The following CHD6 variants were observed in gnomAD, a reference collection of about 807,000 sequenced individuals.
CHD6 encodes the protein chromodomain helicase DNA binding protein 6.
A neutral mutation model predicts 276.9 loss-of-function variants in CHD6; 50 were observed. That is an observed-to-expected ratio of 0.18 (90% confidence interval 0.14 to 0.23). CHD6 has a LOEUF of 0.23. Ranked by LOEUF, CHD6 falls within the 10% of genes least tolerant of loss-of-function variation. The pLI is 1.00. For synonymous variants in CHD6, 1,173 were observed against 1,229.3 expected, an observed-to-expected ratio of 0.95 and a Z score of 0.96; for missense variants, 2,564 against 3,365.8, an observed-to-expected ratio of 0.76 and a Z score of 5.89.
Position 41,473,505 on chromosome 20 carries a change from C to T in CHD6, c.2481G>A (p.Glu827=), listed in dbSNP as rs375436116. The T allele has an allele frequency of 3.1e-6, 5 of 1,613,916 alleles. No individual in the cohort carries two copies. Among genetic ancestry groups the T allele is most frequent in the Non-Finnish European group, 4.2e-6 (5 of 1,179,956 alleles). ...TTCCCCGTACTCGCCCATCAATTCG[C>T]TCATAGGTGTATCTGAGGGGACCCA... ...DYLIQRRYTY[E]RIDGRVRGNL... The change falls in exon 17 of 37, where the codon GAG becomes GAA. Residue 827 remains glutamate (E), a synonymous_variant. Transcript: ENST00000373233. The surrounding 1 kb of genome is among the most constrained non-coding windows in gnomAD (Gnocchi z 4.1).
rs954519725 is a variant in CHD6, at chr20:41,473,963, C to T, written c.2469-446G>A. Among the ~76,000 whole-genome samples, 1 of 152,176 alleles carries T rather than the reference C, an allele frequency of 6.6e-6. No individual in the cohort carries two copies. The highest frequency in any genetic ancestry group is 2.4e-5 in the African/African-American group (1 of 41,424). ...ACTCAGAGTTTTCATCAGTTTCCAG[C>T]TACTTTAGGGTAAACCAGAAATGGT... On this transcript the variant is annotated intron_variant, in intron 16 of 36. Transcript: ENST00000373233. The surrounding 1 kb of genome is among the most constrained non-coding windows in gnomAD (Gnocchi z 4.1).
At chr20:41,578,381 GA>G (rs2045496865) in intron 1 of CHD6, among the ~76,000 whole-genome samples, 1 of 152,112 alleles carries the variant, frequency 6.6e-6, no homozygotes, top group South Asian at 2.1e-4. Flanking sequence ...GCGAATAAAT[GA>G]ATTTCCTCAC....
Position 41,514,807 on chromosome 20 carries a change from G to C in CHD6, c.700C>G (p.Gln234Glu). ...AGGCCTCCCGGTCACAGCTGTACCT[G>C]GCTGTCTGTAGACTCAGTGGACTCC... ...PEESTESTDS[Q>E]KRRSGRQVKR... The change falls in exon 4 of 37, where the codon CAG (glutamine) becomes GAG (glutamate). Residue 234 changes from glutamine to glutamate, a missense_variant and splice_region_variant. Transcript: ENST00000373233. 6.2e-7 allele frequency: 1 copy of C among 1,613,814 alleles called. No homozygotes were observed. The highest frequency in any genetic ancestry group is 8.5e-7 in the Non-Finnish European group (1 of 1,179,860).
At chr20:41,592,987 C>T (rs182267215) in intron 1 of CHD6, among the ~76,000 whole-genome samples, 3 of 152,022 alleles carry the variant, frequency 2.0e-5, no homozygotes, top group Non-Finnish European at 4.4e-5. Context: ...TATGTAAAAG[C>T]ACTTCCTTAA....
intron 8 of CHD6, among the ~76,000 whole-genome samples, chr20:41,495,058 C>A (rs1311696786): frequency 1.3e-5 from 2 of 151,186 alleles, no homozygotes; most frequent in South Asian, 2.1e-4. Flanking sequence ...AAAAAAAACC[C>A]AGTTTGTTCA....
chr20:41,517,447 A>G (rs1470047566), intron 3 of CHD6, among the ~76,000 whole-genome samples: 5 of 152,202 alleles, frequency 3.3e-5, no homozygotes, highest in Non-Finnish European at 5.9e-5. Context: ...AAAACAAAAC[A>G]AAACTATTTT....
intron 5 of CHD6, among the ~76,000 whole-genome samples, chr20:41,499,566 A>G (rs988399256): frequency 1.3e-5 from 2 of 152,322 alleles, no homozygotes; most frequent in East Asian, 3.9e-4. Flanking sequence ...CTCTGGACAC[A>G]ACTCTACAAG....
At position 41,425,968 on chromosome 20, in the gene CHD6, G is replaced by A. The variant is rs2047350408; in HGVS notation, c.4129+125C>T. On this transcript the variant is annotated intron_variant, in intron 28 of 36. Transcript: ENST00000373233. ...GTGACTCTAGGGGAGTTTGATGATG[G>A]TCAACTTACTTGGCTTTTTAAAAGA... 8 of 768,818 alleles carry A rather than the reference G, an allele frequency of 1.0e-5. No homozygotes were observed. In the South Asian group the frequency reaches 1.2e-4, roughly 11 times the overall value. 47.6% of individuals were successfully genotyped at this position (768,818 alleles called of 1,614,324 possible).
At chr20:41,555,272 C>T (rs2045211762) in intron 1 of CHD6, among the ~76,000 whole-genome samples, 1 of 144,262 alleles carries the variant, frequency 6.9e-6, no homozygotes, top group African/African-American at 2.6e-5. Context: ...GGGCGGCTGG[C>T]CGGGCAGAGG....
intron 1 of CHD6, among the ~76,000 whole-genome samples, chr20:41,571,519 G>C (rs1002279816): frequency 1.3e-5 from 2 of 151,336 alleles, no homozygotes; most frequent in Non-Finnish European, 2.9e-5. Context: ...AGCCTTCCGA[G>C]TAGCTGGGAC....
intron 17 of CHD6, among the ~76,000 whole-genome samples, chr20:41,467,561 GAAAAAAA>G (rs11472253): frequency 1.5e-4 from 6 of 39,156 alleles, no homozygotes; most frequent in African/African-American, 2.9e-4. Context: ...TTCTGACAAT[GAAAAAAA>G]AAAAAAAAAA....
chr20:41,583,500 T>C (rs574540228), intron 1 of CHD6, among the ~76,000 whole-genome samples: 2 of 152,216 alleles, frequency 1.3e-5, no homozygotes, highest in Non-Finnish European at 2.9e-5. Flanking sequence ...AATGTCGGCA[T>C]ACCTGCACTA....
At position 41,457,264 on chromosome 20, in the gene CHD6, C is replaced by G; in HGVS notation, c.2829G>C (p.Gly943=). The part of the protein sequence containing the change: ...QDINRKGGTN[G]VQQLSKMEVE... Reference sequence around the variant, plus strand: ...TCCAGAGCAGGCCCATCACACTCACCCCATTGGTGCCGCCCTTTCGGTTGA... The same window carrying G: ...TCCAGAGCAGGCCCATCACACTCACGCCATTGGTGCCGCCCTTTCGGTTGA... Residue 943 remains glycine (G), a splice_region_variant and synonymous_variant, in exon 18 of 37, where the codon GGG becomes GGC. Transcript: ENST00000373233. 6.2e-7 allele frequency: 1 copy of G among 1,613,158 alleles called. No homozygotes were observed. The highest frequency in any genetic ancestry group is 8.5e-7 in the Non-Finnish European group (1 of 1,179,200).
intron 2 of CHD6, among the ~76,000 whole-genome samples, chr20:41,536,762 T>C (rs2044840944): frequency 6.6e-6 from 1 of 152,168 alleles, no homozygotes; most frequent in Admixed American, 6.5e-5. Context: ...TCAGGAAACA[T>C]ATATTTCTAT....
intron 1 of CHD6, among the ~76,000 whole-genome samples, chr20:41,585,390 C>T (rs982553908): frequency 6.6e-6 from 1 of 151,800 alleles, no homozygotes; most frequent in African/African-American, 2.4e-5. Context: ...ATCCCAGCTA[C>T]TCGGGAGGCT....
chr20:41,468,626 A>G (rs2042983651), intron 17 of CHD6, among the ~76,000 whole-genome samples: 1 of 152,218 alleles, frequency 6.6e-6, no homozygotes, highest in Non-Finnish European at 1.5e-5. Context: ...ATAGTATAGT[A>G]TTTGTGTATA....
At chr20:41,540,414 T>C (rs1453970943) in intron 2 of CHD6, among the ~76,000 whole-genome samples, 4 of 152,210 alleles carry the variant, frequency 2.6e-5, no homozygotes, top group African/African-American at 9.6e-5. Context: ...ATTACTTTCA[T>C]GGTATTTTTA....
intron 27 of CHD6, among the ~76,000 whole-genome samples, chr20:41,430,423 TA>T (rs2047501051): frequency 6.6e-6 from 1 of 152,234 alleles, no homozygotes. Context: ...ATGTCCAGTT[TA>T]ATGTCAGTGG....
At chr20:41,447,536 T>G (rs2048107267) in intron 24 of CHD6, among the ~76,000 whole-genome samples, 1 of 152,204 alleles carries the variant, frequency 6.6e-6, no homozygotes. Flanking sequence ...AACAGGATGG[T>G]GGGTAAAACT....
Sources: gnomAD v4.1 joint callset for allele counts (sites outside exome capture counted in the v4.1 genomes callset) on GRCh38, gnomAD v4.1.1 for gene constraint, Gnocchi (gnomAD v3.1) non-coding constraint, MANE v1.5 for transcripts, NCBI Gene and HGNC (gene_info 2026-07-23, HGNC 2026-07-21) for gene names.